Variants in IGSF11 observed in about 807,000 individuals in gnomAD.
IGSF11 encodes the protein CXADR like 1.
IGSF11 carries 22 observed loss-of-function variants against 41.0 expected under a neutral mutation model. That is an observed-to-expected ratio of 0.54 (90% CI 0.38 to 0.77). IGSF11 has a LOEUF of 0.77. Ranked by LOEUF, IGSF11 falls within the 30% of genes least tolerant of loss-of-function variation. The pLI is 0.00. For synonymous variants in IGSF11, 219 were observed against 201.3 expected, an observed-to-expected ratio of 1.09 and a Z score of -0.74; for missense variants, 444 against 530.8, an observed-to-expected ratio of 0.84 and a Z score of 1.61.
chr3:119,115,777 G>T (rs1326459032), intron 1 of IGSF11, among the ~76,000 whole-genome samples: 2 of 152,012 alleles, frequency 1.3e-5, no homozygotes, highest in Non-Finnish European at 2.9e-5. Flanking sequence ...CAAAAATAGA[G>T]AAATCTTAAC....
At chr3:118,973,034 A>G (rs1393645552) in intron 1 of IGSF11, among the ~76,000 whole-genome samples, 3 of 152,156 alleles carry the variant, frequency 2.0e-5, no homozygotes, top group East Asian at 1.9e-4. Context: ...TCTATTATTA[A>G]TATCTCCTTT....
chr3:119,083,838 T>C (rs1046385561), intron 1 of IGSF11, among the ~76,000 whole-genome samples: 1 of 152,226 alleles, frequency 6.6e-6, no homozygotes. Context: ...TTTTGATCAT[T>C]CTTTTAGAGT....
intron 1 of IGSF11, among the ~76,000 whole-genome samples, chr3:119,078,858 A>G (rs1341739730): frequency 6.6e-6 from 1 of 152,216 alleles, no homozygotes; most frequent in Non-Finnish European, 1.5e-5. Context: ...GGGAATTTAA[A>G]CAAATCAACA....
Position 119,078,419 on chromosome 3 carries a change from C to A in IGSF11, c.49+26725G>T, listed in dbSNP as rs79305694. Reference sequence around the variant, plus strand: ...GAGAACCCATAAATAAAGCCACATACCTACAACTGTCTAATCTTTGACAAA... The same window carrying A: ...GAGAACCCATAAATAAAGCCACATAACTACAACTGTCTAATCTTTGACAAA... On this transcript the variant is annotated intron_variant, in intron 1 of 6. Coordinates refer to the IGSF11 transcript ENST00000354673. 0.015 allele frequency among the ~76,000 whole-genome samples: 2,262 copies of A among 152,220 alleles called. 86 individuals carry two copies. The East Asian group carries it at 0.15, about 10-fold the overall frequency.
chr3:119,002,597 T>C (rs1205801084), intron 1 of IGSF11, among the ~76,000 whole-genome samples: 2 of 142,040 alleles, frequency 1.4e-5, no homozygotes, highest in African/African-American at 2.8e-5. Context: ...AGGGTTTTTA[T>C]GGTTTTAGGT....
intron 1 of IGSF11, among the ~76,000 whole-genome samples, chr3:119,068,094 C>G (rs1195509360): frequency 6.6e-6 from 1 of 152,196 alleles, no homozygotes; most frequent in Non-Finnish European, 1.5e-5. Flanking sequence ...GTTCTCTCAG[C>G]TTTCCCTCAC....
intron 1 of IGSF11, among the ~76,000 whole-genome samples, chr3:119,079,713 T>G (rs1044182693): frequency 6.6e-6 from 1 of 152,210 alleles, no homozygotes; most frequent in Non-Finnish European, 1.5e-5. Context: ...TAAAAAAGAA[T>G]GAAGTCATGT....
At chr3:119,140,392 A>C (rs913693581) in intron 1 of IGSF11, among the ~76,000 whole-genome samples, 1 of 152,224 alleles carries the variant, frequency 6.6e-6, no homozygotes, top group African/African-American at 2.4e-5. Flanking sequence ...TTTTATAATG[A>C]TAAGAAGGTC....
At chr3:119,095,145 C>T (rs987877486) in intron 1 of IGSF11, among the ~76,000 whole-genome samples, 5 of 152,010 alleles carry the variant, frequency 3.3e-5, no homozygotes, top group East Asian at 1.9e-4. Flanking sequence ...TGAAAAATGA[C>T]AATAAGAAGC....
At chr3:119,045,916 G>C (rs1457540073) in intron 1 of IGSF11, among the ~76,000 whole-genome samples, 7 of 151,950 alleles carry the variant, frequency 4.6e-5, no homozygotes, top group Admixed American at 3.9e-4. Flanking sequence ...TACTCCAACA[G>C]ACCTGCAGCT....
chr3:118,975,186 C>T (rs776363424), intron 1 of IGSF11, among the ~76,000 whole-genome samples: 6 of 151,958 alleles, frequency 3.9e-5, no homozygotes, highest in Non-Finnish European at 7.4e-5. Context: ...AGAGATTTTG[C>T]CTTGAACAAA....
At chr3:119,049,940 A>G (rs1315750335) in intron 1 of IGSF11, among the ~76,000 whole-genome samples, 6 of 147,320 alleles carry the variant, frequency 4.1e-5, no homozygotes, top group African/African-American at 1.5e-4. Flanking sequence ...AAAACTGGCT[A>G]GCCATATGTA....
In IGSF11 at chr3:118,902,650, T is replaced by C. The variant is rs1223567534; in HGVS notation, c.1166A>G (p.Asn389Ser). 1 of 1,614,122 alleles carries C rather than the reference T, an allele frequency of 6.2e-7. No homozygotes were observed. The highest frequency in any genetic ancestry group is 8.5e-7 in the Non-Finnish European group (1 of 1,180,004). The stretch of plus-strand genomic sequence containing the variant: ...CCGAGGCTTCCTACTGACTGAGCCA[T>C]TGCTCCTGGACATCACCTGTGGTGA... ...GSSPQVMSRS[N>S]GSVSRKPRPP... Residue 389 changes from asparagine (N) to serine (S), a missense_variant, in exon 7 of 7, where the codon AAT becomes AGT. Coordinates refer to ENST00000393775, the MANE Select transcript of IGSF11 (RefSeq NM_001015887.3).
rs919129584 is a variant in IGSF11 at position 119,124,931 on chromosome 3, A to C, written c.-13-19726T>G. The stretch of plus-strand genomic sequence containing the variant: ...AAGCAGCAAGAGAAAAGAAACAAAT[A>C]AATACAATGGAGCTCCAATACATCT... On this transcript the variant is annotated intron_variant, in intron 1 of 7. Transcript: ENST00000425327. 2.3e-4 allele frequency among the ~76,000 whole-genome samples: 35 copies of C among 152,200 alleles called. 1 individual carries two copies. The highest frequency in any genetic ancestry group is 4.4e-5 in the Non-Finnish European group (3 of 68,028).
chr3:119,083,472 G>C (rs1193612799), intron 1 of IGSF11, among the ~76,000 whole-genome samples: 1 of 150,680 alleles, frequency 6.6e-6, no homozygotes, highest in Non-Finnish European at 1.5e-5. Context: ...TGACCTAATT[G>C]ATCTATAGAA....
rs1453081010 is a variant in IGSF11, at chr3:119,049,154, T to C, written c.49+55990A>G. Among the ~76,000 whole-genome samples, 189 of 151,132 alleles carry C rather than the reference T, an allele frequency of 1.3e-3. 1 individual carries two copies. Among genetic ancestry groups the C allele is most frequent in the African/African-American group, 3.2e-3 (133 of 41,148 alleles). The stretch of plus-strand genomic sequence containing the variant: ...TGTTGGAAGTTCTGGCCAGGGCAAT[T>C]AGGCAGGAGAAGGAAATAAAGGGTA... On this transcript the variant is annotated intron_variant, in intron 1 of 6. Coordinates refer to the IGSF11 transcript ENST00000354673.
At chr3:119,014,415 T>C (rs1335472246) in intron 1 of IGSF11, among the ~76,000 whole-genome samples, 2 of 152,210 alleles carry the variant, frequency 1.3e-5, no homozygotes, top group African/African-American at 2.4e-5. Context: ...ATACTATTTA[T>C]ACATAGTGCA....
intron 1 of IGSF11, chr3:118,947,836 G>T (rs1170956622): frequency 6.6e-6 from 1 of 152,190 alleles, no homozygotes; most frequent in Non-Finnish European, 1.5e-5. Context: ...GATATAAATA[G>T]AATGATACTG....
At chr3:119,122,110 T>C (rs189241224) in intron 1 of IGSF11, among the ~76,000 whole-genome samples, 2 of 152,320 alleles carry the variant, frequency 1.3e-5, no homozygotes, top group Admixed American at 1.3e-4. Context: ...AAGCACCACA[T>C]AGTACCTGAT....
Sources: gnomAD v4.1 joint callset for allele counts (sites outside exome capture counted in the v4.1 genomes callset) on GRCh38, gnomAD v4.1.1 for gene constraint, MANE v1.5 for transcripts, NCBI Gene and HGNC (gene_info 2026-07-23, HGNC 2026-07-21) for gene names.